CAP2: variants seen among roughly 807,000 people sequenced by gnomAD.
CAP2 encodes the protein adenylyl cyclase-associated protein 2.
Under a neutral mutation model 57.7 loss-of-function variants are expected in CAP2, and 24 were observed. The ratio of observed to expected loss-of-function variants is 0.42; its 90% confidence interval spans 0.30 to 0.58. The LOEUF (loss-of-function observed/expected upper bound fraction) is 0.58, where lower values mean the gene tolerates loss of function less well. Among genes scored for constraint, CAP2 ranks in the 20% least tolerant of loss-of-function variants. The pLI is 0.22. For missense variants in CAP2, 501 were observed against 590.3 expected (o/e 0.85, Z 1.57); for synonymous variants, 194 against 207.2 (o/e 0.94, Z 0.55).
intron 7 of CAP2, among the ~76,000 whole-genome samples, chr6:17,534,646 G>A (rs1472517321): frequency 1.2e-4 from 18 of 152,156 alleles, no homozygotes; most frequent in Non-Finnish European, 2.9e-5. Flanking sequence ...GGGCTCTGCT[G>A]TCCCACAGAG....
At chr6:17,455,133 A>G (rs768765653) in intron 3 of CAP2, among the ~76,000 whole-genome samples, 4 of 152,158 alleles carry the variant, frequency 2.6e-5, no homozygotes, top group Non-Finnish European at 5.9e-5. Flanking sequence ...AGGAACGGCA[A>G]TCTCCCAATA....
intron 3 of CAP2, among the ~76,000 whole-genome samples, chr6:17,459,562 A>G (rs1466362835): frequency 6.6e-6 from 1 of 152,222 alleles, no homozygotes; most frequent in Non-Finnish European, 1.5e-5. Flanking sequence ...AGGAACAGAA[A>G]CAGGTTCCTC....
chr6:17,498,262 A>G (rs111248550), intron 4 of CAP2, among the ~76,000 whole-genome samples: 140 of 152,330 alleles, frequency 9.2e-4, no homozygotes, highest in African/African-American at 3.1e-3. Flanking sequence ...AAACGTGTCT[A>G]CTGTTCATTG....
chr6:17,470,313 A>G (rs1243976191), intron 4 of CAP2, among the ~76,000 whole-genome samples: 1 of 152,226 alleles, frequency 6.6e-6, no homozygotes, highest in Non-Finnish European at 1.5e-5. Flanking sequence ...AATAGGGATA[A>G]CAAATAATTC....
intron 11 of CAP2, among the ~76,000 whole-genome samples, chr6:17,548,782 C>T (rs767644070): frequency 1.2e-4 from 18 of 152,168 alleles, no homozygotes; most frequent in South Asian, 2.1e-4. Flanking sequence ...AGCAGACTAG[C>T]GAGCCCTGAA....
At position 17,406,412 on chromosome 6, in the gene CAP2, T is replaced by TTTTTTTTTTTTTTTTTTTTTTTTTTC. The variant is rs1197104013; in HGVS notation, c.-2+12667_-2+12668insTTTTTTTTTTTTTTTTTTTTTTTTCT. ...AGCCCAGATTTCTTTTTTTTTTTTT[T>TTTTTTTTTTTTTTTTTTTTTTTTTTC]TGAGGCAGTCTCACTCTGTCGCCCA... On this transcript the variant is annotated intron_variant, in intron 1 of 12. Transcript: ENST00000229922. 1.6e-4 allele frequency among the ~76,000 whole-genome samples: 22 copies of TTTTTTTTTTTTTTTTTTTTTTTTTTC among 135,254 alleles called. 5 individuals carry two copies. The highest frequency in any genetic ancestry group is 7.8e-4 in the African/African-American group (21 of 27,008). The allele number at this position is 135,254 out of a possible 152,430, so 88.7% of individuals were successfully genotyped here.
At chr6:17,421,249 G>A (rs532358904) in intron 1 of CAP2, among the ~76,000 whole-genome samples, 18 of 152,100 alleles carry the variant, frequency 1.2e-4, no homozygotes, top group Middle Eastern at 3.4e-3. Context: ...AAGGTGGGAG[G>A]GGGATGAGGG....
At chr6:17,535,344 G>C (rs910061122) in intron 7 of CAP2, among the ~76,000 whole-genome samples, 1 of 149,050 alleles carries the variant, frequency 6.7e-6, no homozygotes, top group Non-Finnish European at 1.5e-5. Context: ...GCGCAATCTC[G>C]GCTCACTGCA....
At chr6:17,436,123 C>CCCTCCT (rs1561782736) in intron 3 of CAP2, among the ~76,000 whole-genome samples, 61 of 65,902 alleles carry the variant, frequency 9.3e-4, no homozygotes, top group Middle Eastern at 0.017. Context: ...CCTTCCTTCC[C>CCCTCCT]TCCTTCCTTC....
chr6:17,511,318 A>G (rs1275425098), intron 6 of CAP2, among the ~76,000 whole-genome samples: 1 of 152,020 alleles, frequency 6.6e-6, no homozygotes, highest in Admixed American at 6.6e-5. Context: ...ACTGCTGCCC[A>G]CTGGGCAGTA....
intron 3 of CAP2, among the ~76,000 whole-genome samples, chr6:17,450,070 A>G (rs569310002): frequency 6.7e-6 from 1 of 148,480 alleles, no homozygotes; most frequent in East Asian, 2.0e-4. Context: ...TTTTTTTTTT[A>G]AGACTGGGTC....
intron 7 of CAP2, among the ~76,000 whole-genome samples, chr6:17,524,015 G>A (rs1581593900): frequency 6.7e-6 from 1 of 148,548 alleles, no homozygotes. Context: ...GGCAGAGGTT[G>A]CAGTGAGCTG....
At chr6:17,531,413 C>T in intron 7 of CAP2, 1 of 1,594,926 alleles carries the variant, frequency 6.3e-7, no homozygotes, top group South Asian at 1.1e-5. Flanking sequence ...GCCAGCTTTT[C>T]TTGCCATCCT....
intron 3 of CAP2, among the ~76,000 whole-genome samples, chr6:17,429,540 G>T (rs1310583887): frequency 6.6e-6 from 1 of 152,184 alleles, no homozygotes; most frequent in Non-Finnish European, 1.5e-5. Flanking sequence ...AACAGAGTGA[G>T]TTATAAAGTG....
chr6:17,534,565 ATC>A (rs1227727400), intron 7 of CAP2, among the ~76,000 whole-genome samples: 1 of 152,148 alleles, frequency 6.6e-6, no homozygotes, highest in Non-Finnish European at 1.5e-5. Flanking sequence ...ATCCTTTTGT[ATC>A]TCTAGACTGA....
chr6:17,501,680 T>A (rs1286959422), intron 4 of CAP2, among the ~76,000 whole-genome samples: 2 of 152,168 alleles, frequency 1.3e-5, no homozygotes, highest in Non-Finnish European at 2.9e-5. Flanking sequence ...CTACAAAGCT[T>A]GCTGATAAAA....
At chr6:17,439,949 G>T (rs971560561) in intron 3 of CAP2, among the ~76,000 whole-genome samples, 2 of 151,508 alleles carry the variant, frequency 1.3e-5, no homozygotes, top group African/African-American at 2.4e-5. Context: ...TATGTTTCAT[G>T]TGTAATAGAG....
At chr6:17,423,964 T>G (rs1759511060) in intron 2 of CAP2, among the ~76,000 whole-genome samples, 1 of 152,230 alleles carries the variant, frequency 6.6e-6, no homozygotes, top group South Asian at 2.1e-4. Flanking sequence ...TTTCCATTTC[T>G]TCTTAATTAG....
chr6:17,507,074 A>T, intron 4 of CAP2, 95 bp from the exon 5 acceptor site: 1 of 1,185,744 alleles, frequency 8.4e-7, no homozygotes, highest in Non-Finnish European at 1.3e-6. Context: ...AACAGACGGC[A>T]GGTCCTGAAT....
Sources: allele counts gnomAD v4.1 joint callset (sites outside exome capture counted in the v4.1 genomes callset), GRCh38; gene constraint gnomAD v4.1.1; transcripts MANE v1.5; gene names NCBI Gene and HGNC (gene_info 2026-07-23, HGNC 2026-07-21).